Variants in RILPL2 observed in about 807,000 individuals in gnomAD.
RILPL2 encodes RILP-like protein 2.
A neutral mutation model predicts 22.2 loss-of-function variants in RILPL2; 19 were observed. The observed-to-expected ratio is 0.86, with a 90% CI of 0.60 to 1.25. RILPL2 has a LOEUF of 1.25. RILPL2 is among the 50% of genes most tolerant of loss of function. The pLI is 0.00. For synonymous variants in RILPL2, 123 were observed against 111.6 expected (o/e 1.10, Z -0.64); for missense variants, 243 against 263.6 (o/e 0.92, Z 0.54).
chr12:123,417,247 T>C (rs904668459), intron 3 of RILPL2, among the ~76,000 whole-genome samples: 3 of 149,706 alleles, frequency 2.0e-5, no homozygotes, highest in Admixed American at 6.7e-5. Context: ...TGCAGTGAGC[T>C]GAGATCAAGC....
rs140779104 is a variant in RILPL2, at chr12:123,428,080, C to T, written c.491+2428G>A. ...GTTTTGCCCACTAACAAGCTGCTCA[C>T]GACACCAGCAGCTTGGCAGTTTCTC... On this transcript the variant is annotated intron_variant, in intron 2 of 3. Transcript: ENST00000280571. 1.7e-3 allele frequency among the ~76,000 whole-genome samples: 265 copies of T among 152,300 alleles called. 1 individual carries two copies. The highest frequency in any genetic ancestry group is 6.1e-3 in the African/African-American group (254 of 41,574).
chr12:123,433,131 G>A (rs1314024108), intron 1 of RILPL2, among the ~76,000 whole-genome samples: 1 of 139,892 alleles, frequency 7.1e-6, no homozygotes, highest in African/African-American at 2.7e-5. Flanking sequence ...TTGAGACGAA[G>A]TCGTCTCGCT....
rs28541932 is a variant in RILPL2 at position 123,418,829 on chromosome 12, C to T, written c.606-2908G>A. Among the ~76,000 whole-genome samples, 656 of 134,382 alleles carry T rather than the reference C, an allele frequency of 4.9e-3. 3 individuals carry two copies. The highest frequency in any genetic ancestry group is 0.017 in the African/African-American group (608 of 36,350). 88.2% of individuals were successfully genotyped at this position (134,382 alleles called of 152,430 possible). ...AGGCTGGAGTGCAGTGGCGCAATCT[C>T]AGCTCACTACAACCTCTGCCTCCCG... On this transcript the variant is annotated intron_variant, in intron 3 of 3. Coordinates refer to ENST00000280571, the MANE Select transcript of RILPL2 (RefSeq NM_145058.3).
chr12:123,416,587 C>T (rs1879125689), intron 3 of RILPL2, among the ~76,000 whole-genome samples: 1 of 152,090 alleles, frequency 6.6e-6, no homozygotes, highest in African/African-American at 2.4e-5. Flanking sequence ...TTGCAGTGAG[C>T]CAAGATGGTG....
intron 2 of RILPL2, among the ~76,000 whole-genome samples, chr12:123,430,074 C>T (rs1284833560): frequency 1.5e-5 from 2 of 136,374 alleles, no homozygotes; most frequent in East Asian, 4.3e-4. Context: ...CAAGATCGCA[C>T]CACTGGGCGA....
chr12:123,423,799 G>A (rs576661297), intron 2 of RILPL2, among the ~76,000 whole-genome samples: 23 of 151,900 alleles, frequency 1.5e-4, no homozygotes, highest in Middle Eastern at 3.4e-3. Flanking sequence ...GACTATAGGC[G>A]CCCGCCACCA....
Position 123,420,380 on chromosome 12 carries a change from C to T in RILPL2, c.605+2664G>A, listed in dbSNP as rs558974783. 2.0e-5 allele frequency among the ~76,000 whole-genome samples: 3 copies of T among 151,834 alleles called. No homozygotes were observed. The South Asian group carries it at 6.2e-4, about 32-fold the overall frequency. On this transcript the variant is annotated intron_variant, in intron 3 of 3. Transcript: ENST00000280571. ...GATCTTGATCTCTTGGCTTGGTGAT[C>T]CGCCCACCTCGGCCTCCCAAAGTCT...
intron 3 of RILPL2, among the ~76,000 whole-genome samples, chr12:123,417,256 G>C (rs532409085): frequency 1.5e-3 from 221 of 150,730 alleles, no homozygotes; most frequent in Middle Eastern, 6.9e-3. Context: ...CTGAGATCAA[G>C]CTACCGCACA....
At chr12:123,409,372 CTG>C in the RILPL2 span, 1 of 151,464 alleles carries the variant, frequency 6.6e-6, no homozygotes, top group African/African-American at 2.5e-5. Context: ...GTGTGTCTTT[CTG>C]TTTTTACAAT....
intron 1 of RILPL2, among the ~76,000 whole-genome samples, chr12:123,433,261 C>T (rs113210963): frequency 1.1e-3 from 173 of 151,594 alleles, no homozygotes; most frequent in African/African-American, 3.6e-3. Flanking sequence ...CACGTGCCAC[C>T]GTGCCCAGCT....
At chr12:123,435,977 A>G in intron 1 of RILPL2, 105 bp downstream of exon 1, 1 of 1,422,684 alleles carries the variant, frequency 7.0e-7, no homozygotes, top group South Asian at 1.5e-5. Flanking sequence ...AAAAGAAAAA[A>G]GAGAAAAGAG....
intron 2 of RILPL2, among the ~76,000 whole-genome samples, chr12:123,424,885 T>C (rs1329287525): frequency 4.6e-5 from 7 of 151,764 alleles, no homozygotes; most frequent in Non-Finnish European, 7.4e-5. Flanking sequence ...AAAATTTTCA[T>C]TTATTTATTT....
rs748776236 is a variant in RILPL2, at chr12:123,436,214, G to A, written c.207C>T (p.Val69=). Residue 69 remains valine (V), a synonymous_variant, in exon 1 of 4, where the codon GTC becomes GTT. Transcript: ENST00000280571. This position sits in a 1 kb window ranked among gnomAD's most constrained non-coding sequence, Gnocchi z 6.7. ...GCGCCTCCAGCATCTCCAGGACGCG[G>A]ACGACTTTGAACTGCAGCTGCGTCA... ...PRVTQLQFKV[V]RVLEMLEALV... 1.9e-6 allele frequency: 3 copies of A among 1,612,512 alleles called. No individual in the cohort carries two copies. Among genetic ancestry groups the A allele is most frequent in the Admixed American group, 3.3e-5 (2 of 59,796 alleles).
intron 3 of RILPL2, among the ~76,000 whole-genome samples, chr12:123,418,599 TTGA>T (rs1879183019): frequency 1.3e-5 from 2 of 152,112 alleles, no homozygotes; most frequent in African/African-American, 4.8e-5. Context: ...TAAATATTTG[TTGA>T]ATGAATGGAG....
At chr12:123,429,731 C>T (rs950788118) in intron 2 of RILPL2, among the ~76,000 whole-genome samples, 6 of 151,866 alleles carry the variant, frequency 4.0e-5, no homozygotes, top group Admixed American at 6.6e-5. Context: ...CTCAGCCTCC[C>T]GAGTAGCTGG....
chr12:123,409,746 A>G, the RILPL2 span, among the ~76,000 whole-genome samples: 5 of 51,616 alleles, frequency 9.7e-5, no homozygotes, highest in Admixed American at 2.5e-4. Context: ...TTTTTTTTTG[A>G]GATGGAATTT....
intron 2 of RILPL2, among the ~76,000 whole-genome samples, 170 bp downstream of exon 2, chr12:123,430,338 G>A (rs1333607130): frequency 6.6e-6 from 1 of 152,112 alleles, no homozygotes. Flanking sequence ...GAACCCGGGA[G>A]GCAGAGGTTG....
chr12:123,435,830 T>C (rs1031685484), intron 1 of RILPL2, among the ~76,000 whole-genome samples: 3 of 151,670 alleles, frequency 2.0e-5, no homozygotes, highest in African/African-American at 7.3e-5. Context: ...GCGAACTCGT[T>C]AGAAATACAG....
chr12:123,409,495 G>A, the RILPL2 span: 6 of 150,832 alleles, frequency 4.0e-5, no homozygotes, highest in East Asian at 1.9e-4. Flanking sequence ...GAGCTCTTTC[G>A]TTTCCTCATC....
Sources: gnomAD v4.1 joint callset for allele counts (sites outside exome capture counted in the v4.1 genomes callset) on GRCh38, gnomAD v4.1.1 for gene constraint, Gnocchi (gnomAD v3.1) non-coding constraint, MANE v1.5 for transcripts, NCBI Gene and HGNC (gene_info 2026-07-23, HGNC 2026-07-21) for gene names.